SGCD: variants seen among roughly 807,000 people sequenced by gnomAD.
SGCD encodes the protein delta-sarcoglycan.
Under a neutral mutation model 36.6 loss-of-function variants are expected in SGCD, and 18 were observed. That is an observed-to-expected ratio of 0.49 (90% confidence interval 0.34 to 0.73). The LOEUF (loss-of-function observed/expected upper bound fraction) is 0.73, where lower values mean the gene tolerates loss of function less well. Among genes scored for constraint, SGCD ranks in the 30% least tolerant of loss-of-function variants. The pLI is 0.01. For synonymous variants in SGCD, 133 were observed against 130.6 expected (o/e 1.02, Z -0.12); for missense variants, 387 against 346.7 (o/e 1.12, Z -0.92).
intron 3 of SGCD, among the ~76,000 whole-genome samples, chr5:156,377,121 CAG>C (rs1770714879): frequency 6.6e-6 from 1 of 152,024 alleles, no homozygotes. Context: ...AAAAATAAAT[CAG>C]TGTTATGAGG....
chr5:156,740,051 ATAG>A (rs1175223946), intron 7 of SGCD, among the ~76,000 whole-genome samples: 1 of 152,210 alleles, frequency 6.6e-6, no homozygotes. Flanking sequence ...TAACTCAAAA[ATAG>A]AAGATGAGTC....
At chr5:156,073,236 C>G (rs971509841) in intron 1 of SGCD, among the ~76,000 whole-genome samples, 7 of 152,136 alleles carry the variant, frequency 4.6e-5, no homozygotes, top group African/African-American at 2.4e-5. Flanking sequence ...TGGCTGTCTT[C>G]TGTATCTTAC....
rs991637382 is a variant in SGCD, at chr5:155,989,336, T to C, written c.-282+118912T>C. Among the ~76,000 whole-genome samples, 9 of 152,336 alleles carry C rather than the reference T, an allele frequency of 5.9e-5. No homozygotes were observed. In the East Asian group the frequency reaches 1.7e-3, roughly 29 times the overall value. On this transcript the variant is annotated intron_variant, in intron 1 of 9. Transcript: ENST00000517913. ...ACTGAAATTTGAATTTGATATACTT[T>C]TCATGAGTTATGACATATTCTTACG...
chr5:156,637,517 C>T (rs763063922), intron 6 of SGCD, among the ~76,000 whole-genome samples: 4 of 152,142 alleles, frequency 2.6e-5, no homozygotes, highest in Non-Finnish European at 4.4e-5. Flanking sequence ...CTAGCCACAT[C>T]CTTACCCTCT....
At chr5:156,694,964 C>G (rs568211413) in intron 7 of SGCD, among the ~76,000 whole-genome samples, 6 of 152,306 alleles carry the variant, frequency 3.9e-5, no homozygotes, top group Admixed American at 6.5e-5. Context: ...TATATTCTTT[C>G]TTGGAGCACT....
At chr5:156,599,806 G>T (rs988294728) in intron 6 of SGCD, among the ~76,000 whole-genome samples, 1 of 152,190 alleles carries the variant, frequency 6.6e-6, no homozygotes, top group Non-Finnish European at 1.5e-5. Flanking sequence ...TAAAAACACA[G>T]GTTTTGTAGC....
intron 1 of SGCD, among the ~76,000 whole-genome samples, chr5:155,873,541 G>A (rs1002408153): frequency 6.6e-6 from 1 of 152,074 alleles, no homozygotes; most frequent in African/African-American, 2.4e-5. Flanking sequence ...GGGTGGTGCC[G>A]GAGGGACGAG....
the SGCD span, among the ~76,000 whole-genome samples, chr5:155,833,225 C>T: frequency 2.2e-5 from 3 of 137,386 alleles, no homozygotes; most frequent in Non-Finnish European, 4.7e-5. Context: ...GAGAGAATCT[C>T]AAAAAAAAAA....
At chr5:156,709,474 C>A (rs1330207636) in intron 7 of SGCD, among the ~76,000 whole-genome samples, 3 of 152,044 alleles carry the variant, frequency 2.0e-5, no homozygotes, top group African/African-American at 7.2e-5. Context: ...GCCAGCTCCA[C>A]CTTGGGAGAA....
chr5:156,625,748 T>A (rs1355301405), intron 6 of SGCD, among the ~76,000 whole-genome samples: 1 of 152,234 alleles, frequency 6.6e-6, no homozygotes, highest in African/African-American at 2.4e-5. Context: ...AGCTGGGGAT[T>A]CAGCTAGAGT....
the SGCD span, among the ~76,000 whole-genome samples, chr5:155,807,250 T>G: frequency 6.6e-6 from 1 of 152,254 alleles, no homozygotes; most frequent in African/African-American, 2.4e-5. Context: ...ATTTAAATCC[T>G]TGTGAAAGTG....
intron 1 of SGCD, among the ~76,000 whole-genome samples, chr5:156,101,941 T>A (rs564539935): frequency 0.03 from 4,093 of 138,096 alleles, 76 homozygotes; most frequent in Non-Finnish European, 0.041. Context: ...TGTGTGTGTG[T>A]GAGAGAGAGA....
rs181493367 is a variant in SGCD at position 156,518,424 on chromosome 5, A to C, written c.294+9722A>C. 4.5e-4 allele frequency among the ~76,000 whole-genome samples: 69 copies of C among 152,310 alleles called. No individual in the cohort carries two copies. In the East Asian group the frequency reaches 7.7e-3, roughly 17 times the overall value. ...CACACCCACTGTCAATATTAGACGG[A>C]TCATCAACACAGAAAATTAACAAAG... On this transcript the variant is annotated intron_variant, in intron 4 of 8. Transcript: ENST00000337851.
At chr5:156,698,200 T>G (rs899933201) in intron 7 of SGCD, among the ~76,000 whole-genome samples, 1 of 152,196 alleles carries the variant, frequency 6.6e-6, no homozygotes, top group African/African-American at 2.4e-5. Context: ...AAACCTCATT[T>G]CAGCTCAGAT....
chr5:155,882,257 T>C (rs560336348), intron 1 of SGCD, among the ~76,000 whole-genome samples: 37 of 152,080 alleles, frequency 2.4e-4, no homozygotes, highest in African/African-American at 8.7e-4. Context: ...TAAAAAACTT[T>C]TTATAGAGAT....
At chr5:156,218,008 C>T (rs1048940639) in intron 3 of SGCD, among the ~76,000 whole-genome samples, 23 of 152,084 alleles carry the variant, frequency 1.5e-4, no homozygotes, top group African/African-American at 5.3e-4. Context: ...GGTGTGGTAG[C>T]CATACCTGTA....
intron 3 of SGCD, among the ~76,000 whole-genome samples, chr5:156,139,471 C>T (rs1027288233): frequency 7.9e-5 from 12 of 152,080 alleles, no homozygotes; most frequent in African/African-American, 2.9e-4. Flanking sequence ...GCTTCTCTTA[C>T]CTCCAATATT....
intron 4 of SGCD, among the ~76,000 whole-genome samples, chr5:156,520,219 A>G (rs867243402): frequency 9.9e-5 from 15 of 152,238 alleles, no homozygotes; most frequent in African/African-American, 3.4e-4. Context: ...CTATACACCA[A>G]CAACAGAAAA....
chr5:156,697,707 T>C (rs1754373225), intron 7 of SGCD, among the ~76,000 whole-genome samples: 1 of 151,990 alleles, frequency 6.6e-6, no homozygotes, highest in South Asian at 2.1e-4. Context: ...TTATGTCCAC[T>C]AGTATATACC....
Sources: allele counts gnomAD v4.1 joint callset (sites outside exome capture counted in the v4.1 genomes callset), GRCh38; gene constraint gnomAD v4.1.1; transcripts MANE v1.5; gene names NCBI Gene and HGNC (gene_info 2026-07-23, HGNC 2026-07-21).